Variants in CHN1 observed in about 807,000 individuals in gnomAD.
The protein encoded by CHN1 is N-chimaerin.
In CHN1, 37 loss-of-function variants were observed where a neutral mutation model predicts 59.5. The ratio of observed to expected loss-of-function variants is 0.62; its 90% CI spans 0.48 to 0.82. The LOEUF (loss-of-function observed/expected upper bound fraction) is 0.82, where lower values mean the gene tolerates loss of function less well. Among genes scored for constraint, CHN1 ranks in the 40% least tolerant of loss-of-function variants. The pLI is 0.00. For synonymous variants in CHN1, 206 were observed against 200.4 expected (o/e 1.03, Z -0.24); for missense variants, 469 against 571.0 (o/e 0.82, Z 1.82).
intron 3 of CHN1, among the ~76,000 whole-genome samples, chr2:174,937,134 T>G (rs926806334): frequency 2.6e-5 from 4 of 152,242 alleles, no homozygotes; most frequent in African/African-American, 9.6e-5. Flanking sequence ...ATTGTTTTAA[T>G]AGTTGATAAT....
intron 3 of CHN1, among the ~76,000 whole-genome samples, chr2:174,943,220 ATGTTTTTGTTTT>A (rs530576143): frequency 1.3e-5 from 2 of 150,006 alleles, no homozygotes; most frequent in Admixed American, 6.7e-5. Context: ...ATGTGTGTAC[ATGTTTTTGTTTT>A]TGTTTTTGTT....
At chr2:174,840,736 T>C (rs1223843158) in intron 7 of CHN1, among the ~76,000 whole-genome samples, 1 of 152,156 alleles carries the variant, frequency 6.6e-6, no homozygotes, top group Non-Finnish European at 1.5e-5. Flanking sequence ...TAAGGGATTT[T>C]TCTTTGAAAA....
At chr2:174,813,329 G>A (rs1392960834) in intron 8 of CHN1, among the ~76,000 whole-genome samples, 7 of 152,202 alleles carry the variant, frequency 4.6e-5, no homozygotes, top group African/African-American at 7.2e-5. Flanking sequence ...GATGAGGTAT[G>A]GGGAAAGGGG....
At chr2:174,816,299 G>A (rs1393985043) in intron 8 of CHN1, among the ~76,000 whole-genome samples, 1 of 152,180 alleles carries the variant, frequency 6.6e-6, no homozygotes, top group Non-Finnish European at 1.5e-5. Flanking sequence ...AGGAATGGAA[G>A]GAAGCTAGAG....
At chr2:174,910,363 A>C (rs1243379126) in intron 5 of CHN1, among the ~76,000 whole-genome samples, 1 of 152,154 alleles carries the variant, frequency 6.6e-6, no homozygotes, top group Non-Finnish European at 1.5e-5. Flanking sequence ...GTCTTATGCC[A>C]TATTAAATGT....
At chr2:174,831,680 C>T (rs1685883455) in intron 7 of CHN1, among the ~76,000 whole-genome samples, 2 of 151,996 alleles carry the variant, frequency 1.3e-5, no homozygotes, top group Non-Finnish European at 2.9e-5. Flanking sequence ...TTTTAAGTTT[C>T]AGAAGACAAT....
chr2:174,831,643 A>G (rs991526251), intron 7 of CHN1, among the ~76,000 whole-genome samples: 4 of 152,142 alleles, frequency 2.6e-5, no homozygotes, highest in Non-Finnish European at 5.9e-5. Flanking sequence ...AGTATTATAA[A>G]ATATATAATT....
intron 1 of CHN1, among the ~76,000 whole-genome samples, chr2:174,998,007 A>G (rs1691766979): frequency 6.7e-6 from 1 of 148,192 alleles, no homozygotes; most frequent in Non-Finnish European, 1.5e-5. Flanking sequence ...AAAAAAAAAA[A>G]AGATACAAGA....
intron 3 of CHN1, chr2:174,920,966 G>T: frequency 2.3e-6 from 1 of 432,706 alleles, no homozygotes; most frequent in Non-Finnish European, 4.7e-6. Context: ...ATTCTCATAA[G>T]GGGCATGCAA....
intron 1 of CHN1, among the ~76,000 whole-genome samples, chr2:174,955,325 G>A (rs1229757057): frequency 6.6e-6 from 1 of 151,648 alleles, no homozygotes; most frequent in African/African-American, 2.4e-5. Flanking sequence ...ATTTGCAGCA[G>A]TTCAGGTGAA....
intron 1 of CHN1, among the ~76,000 whole-genome samples, chr2:174,995,406 C>G (rs1006503325): frequency 6.6e-6 from 1 of 152,204 alleles, no homozygotes; most frequent in Non-Finnish European, 1.5e-5. Flanking sequence ...GGTCCCCAAC[C>G]TTTTTGGCAC....
chr2:174,821,488 C>G (rs1188464909), intron 8 of CHN1, among the ~76,000 whole-genome samples: 1 of 152,190 alleles, frequency 6.6e-6, no homozygotes, highest in African/African-American at 2.4e-5. Flanking sequence ...AGTGTCCCCT[C>G]AAAAATTCAG....
rs565674989 is a variant in CHN1 at position 174,842,280 on chromosome 2, AG to A, written c.627+4599del. ...AGGGTTGGTGGGGATAATATGAAAG[AG>A]GTGATAGACACTGTTTCTGAATACG... On this transcript the variant is annotated intron_variant, in intron 7 of 12. Coordinates refer to ENST00000409900, the MANE Select transcript of CHN1 (RefSeq NM_001822.7). Among the ~76,000 whole-genome samples, 23 of 152,294 alleles carry A rather than the reference AG, an allele frequency of 1.5e-4. No individual in the cohort carries two copies. The South Asian group carries it at 3.9e-3, about 26-fold the overall frequency.
chr2:174,860,791 T>C (rs1463496723), intron 6 of CHN1, among the ~76,000 whole-genome samples: 1 of 152,140 alleles, frequency 6.6e-6, no homozygotes, highest in Non-Finnish European at 1.5e-5. Flanking sequence ...CCTTCCAAAC[T>C]GCTCCCTCCC....
chr2:174,957,804 G>A (rs552013131), intron 1 of CHN1, among the ~76,000 whole-genome samples: 1 of 152,168 alleles, frequency 6.6e-6, no homozygotes, highest in South Asian at 2.1e-4. Context: ...CTCAGAAGAG[G>A]TCTAGACCTT....
intron 2 of CHN1, among the ~76,000 whole-genome samples, chr2:174,948,522 G>C (rs1689916536): frequency 1.3e-5 from 2 of 152,178 alleles, no homozygotes; most frequent in South Asian, 4.1e-4. Context: ...ATATTTGTAA[G>C]ACTTCAGAGT....
chr2:174,907,112 A>G (rs550574475), intron 5 of CHN1, among the ~76,000 whole-genome samples: 166 of 152,278 alleles, frequency 1.1e-3, no homozygotes, highest in Non-Finnish European at 2.2e-3. Flanking sequence ...ACAACACGGG[A>G]AGACATTAAT....
rs577149104 is a variant in CHN1 at position 174,845,996 on chromosome 2, A to T, written c.627+884T>A. 3.9e-5 allele frequency among the ~76,000 whole-genome samples: 6 copies of T among 152,314 alleles called. No individual in the cohort carries two copies. In the East Asian group the frequency reaches 1.2e-3, roughly 29 times the overall value. ...TTATTCCCTTTCTAAAATAAAACCT[A>T]ATGATACTTTGTCTAAACTAAGAAC... On this transcript the variant is annotated intron_variant, in intron 7 of 12. Coordinates refer to ENST00000409900, the MANE Select transcript of CHN1 (RefSeq NM_001822.7).
In CHN1 at chr2:175,005,276, G is replaced by A; in HGVS notation, c.-364C>T. On this transcript the variant is annotated 5_prime_UTR_variant, in exon 1 of 13. Transcript: ENST00000409900. ...GCGGCGCCGCACTGGCGGCGGCGGC[G>A]GCGGCGACGGGGAGAGCAGCAGCAG... 2.6e-6 allele frequency: 3 copies of A among 1,168,134 alleles called. No homozygotes were observed. Among genetic ancestry groups the A allele is most frequent in the Non-Finnish European group, 3.2e-6 (3 of 941,208 alleles). The allele number at this position is 1,168,134 out of a possible 1,614,324, so 72.4% of individuals were successfully genotyped here. A position where few individuals can be genotyped will look rare whatever the true frequency, so the allele number is the denominator to read the frequency against.
Sources: allele counts gnomAD v4.1 joint callset (sites outside exome capture counted in the v4.1 genomes callset), GRCh38; gene constraint gnomAD v4.1.1; transcripts MANE v1.5; gene names NCBI Gene and HGNC (gene_info 2026-07-23, HGNC 2026-07-21).